Variants in PRKAR1A observed in about 807,000 individuals in gnomAD.
The protein encoded by PRKAR1A is cAMP-dependent protein kinase type I-alpha regulatory subunit.
PRKAR1A carries 3 observed loss-of-function variants against 52.0 expected under a neutral mutation model. The observed-to-expected ratio is 0.06, with a 90% CI of 0.03 to 0.15. PRKAR1A has a LOEUF of 0.15. Among genes scored for constraint, PRKAR1A ranks in the 10% least tolerant of loss-of-function variants. PRKAR1A has a pLI of 1.00. For missense variants in PRKAR1A, 240 were observed against 477.4 expected (o/e 0.50, Z 4.63); for synonymous variants, 188 against 168.4 (o/e 1.12, Z -0.90).
At chr17:68,450,597 G>A in the PRKAR1A span, 1 of 1,235,346 alleles carries the variant, frequency 8.1e-7, no homozygotes, top group Non-Finnish European at 1.1e-6. Context: ...CCGGGACACG[G>A]GGCCTGAGTG....
At position 68,533,360 on chromosome 17, in the gene PRKAR1A, T is replaced by C. The variant is rs1431514510; in HGVS notation, c.*2911T>C. Reference sequence around the variant, plus strand: ...TTGAACATGTGTACCTTTTCTAGATTCAGTAATCCCTTCCCCCCGTCCTCT... The same window carrying C: ...TTGAACATGTGTACCTTTTCTAGATCCAGTAATCCCTTCCCCCCGTCCTCT... On this transcript the variant is annotated 3_prime_UTR_variant, in exon 11 of 11. Coordinates refer to ENST00000589228, the MANE Select transcript of PRKAR1A (RefSeq NM_002734.5). 9.4e-7 allele frequency: 1 copy of C among 1,062,426 alleles called. No individual in the cohort carries two copies. Among genetic ancestry groups the C allele is most frequent in the Non-Finnish European group, 1.1e-6 (1 of 877,386 alleles). 65.8% of individuals were successfully genotyped at this position (1,062,426 alleles called of 1,614,324 possible).
chr17:68,468,105 T>C, the PRKAR1A span, among the ~76,000 whole-genome samples: 1 of 152,164 alleles, frequency 6.6e-6, no homozygotes. Flanking sequence ...TGTTTTGCCA[T>C]GTCACCCAGG....
At chr17:68,450,093 A>G in the PRKAR1A span, among the ~76,000 whole-genome samples, 1 of 152,238 alleles carries the variant, frequency 6.6e-6, no homozygotes, top group East Asian at 1.9e-4. Flanking sequence ...ACTGAATAAG[A>G]ATTTATATTT....
At chr17:68,428,612 G>A in the PRKAR1A span, 28 of 504,682 alleles carry the variant, frequency 5.5e-5, no homozygotes, top group East Asian at 9.7e-4. Context: ...CATCTTGTGT[G>A]TTATTAATCC....
chr17:68,549,326 C>G (rs1406499592), intron 11 of PRKAR1A, among the ~76,000 whole-genome samples: 1 of 152,106 alleles, frequency 6.6e-6, no homozygotes, highest in Non-Finnish European at 1.5e-5. Flanking sequence ...GAAACCCTGT[C>G]TCTACTAAAT....
intron 6 of PRKAR1A, among the ~76,000 whole-genome samples, 161 bp from the exon 7 acceptor site, chr17:68,525,593 A>G (rs2085764325): frequency 6.6e-6 from 1 of 152,226 alleles, no homozygotes; most frequent in Non-Finnish European, 1.5e-5. Flanking sequence ...TTAACTCGTC[A>G]GAAATCACCT....
chr17:68,462,146 T>G, the PRKAR1A span, among the ~76,000 whole-genome samples: 1 of 152,220 alleles, frequency 6.6e-6, no homozygotes, highest in Non-Finnish European at 1.5e-5. Flanking sequence ...TGTTATTTCA[T>G]GAAAGAGTGA....
the PRKAR1A span, among the ~76,000 whole-genome samples, chr17:68,485,929 G>A: frequency 6.6e-6 from 1 of 152,020 alleles, no homozygotes; most frequent in Admixed American, 6.6e-5. Flanking sequence ...AGTAGAGATG[G>A]GGTTCTACCA....
the PRKAR1A span, chr17:68,457,395 G>C: frequency 6.5e-7 from 1 of 1,533,286 alleles, no homozygotes; most frequent in Non-Finnish European, 8.8e-7. Flanking sequence ...CCCCGCCCGG[G>C]GGAGCGTCCG....
the PRKAR1A span, among the ~76,000 whole-genome samples, chr17:68,451,334 T>C: frequency 6.6e-6 from 1 of 152,266 alleles, no homozygotes; most frequent in Non-Finnish European, 1.5e-5. Flanking sequence ...CTCGGGAGGC[T>C]GAGGCATGAG....
chr17:68,453,479 C>CTTTT, the PRKAR1A span, among the ~76,000 whole-genome samples: 2 of 136,200 alleles, frequency 1.5e-5, no homozygotes, highest in East Asian at 2.1e-4. Context: ...TTTTCTTTTC[C>CTTTT]TTTTTTTTTT....
At chr17:68,506,482 A>T in the PRKAR1A span, among the ~76,000 whole-genome samples, 1 of 147,380 alleles carries the variant, frequency 6.8e-6, no homozygotes, top group Non-Finnish European at 1.5e-5. Flanking sequence ...AGACTGTGAA[A>T]TTTTTTTTTT....
chr17:68,510,195 G>GAT (rs2085246374), upstream of PRKAR1A, among the ~76,000 whole-genome samples: 2 of 148,652 alleles, frequency 1.3e-5, no homozygotes, highest in Admixed American at 1.3e-4. Flanking sequence ...GAGAGAGAGA[G>GAT]ATCTATCTAT....
the PRKAR1A span, among the ~76,000 whole-genome samples, chr17:68,443,127 T>C: frequency 1.3e-5 from 2 of 152,220 alleles, no homozygotes; most frequent in African/African-American, 4.8e-5. Context: ...TCATTGTTTT[T>C]TGAGACAGAG....
chr17:68,510,196 A>AGAGAGAGAGAGAGAGAGC (rs1600450203), upstream of PRKAR1A, among the ~76,000 whole-genome samples: 1 of 147,864 alleles, frequency 6.8e-6, no homozygotes, highest in Non-Finnish European at 1.5e-5. Flanking sequence ...AGAGAGAGAG[A>AGAGAGAGAGAGAGAGAGC]TCTATCTATT....
chr17:68,548,322 G>C (rs2086662395), intron 11 of PRKAR1A, among the ~76,000 whole-genome samples: 1 of 152,174 alleles, frequency 6.6e-6, no homozygotes, highest in South Asian at 2.1e-4. Context: ...CTGAGGTCGA[G>C]AGTTCGAGAC....
At chr17:68,540,931 G>A (rs1483921121) in intron 11 of PRKAR1A, 3 of 1,598,286 alleles carry the variant, frequency 1.9e-6, no homozygotes, top group Non-Finnish European at 1.7e-6. Flanking sequence ...GTTTCACTGT[G>A]TCACAGTAAA....
At chr17:68,510,946 G>A (rs935265449), upstream of PRKAR1A, among the ~76,000 whole-genome samples, 2 of 152,058 alleles carry the variant, frequency 1.3e-5, no homozygotes, top group African/African-American at 4.8e-5. Context: ...AATATAATGG[G>A]AGCCATCTGT....
At chr17:68,421,596 AG>A in the PRKAR1A span, 4 of 777,750 alleles carry the variant, frequency 5.1e-6, no homozygotes, top group East Asian at 1.0e-4. Context: ...ATTGGCAACC[AG>A]GGTCGTGGGA....
Sources: gnomAD v4.1 joint callset for allele counts (sites outside exome capture counted in the v4.1 genomes callset) on GRCh38, gnomAD v4.1.1 for gene constraint, MANE v1.5 for transcripts, NCBI Gene and HGNC (gene_info 2026-07-23, HGNC 2026-07-21) for gene names.